Variants in PRDM9 observed in about 807,000 individuals in gnomAD.
PRDM9 encodes histone-lysine N-methyltransferase PRDM9.
A neutral mutation model predicts 55.6 loss-of-function variants in PRDM9; 47 were observed. That is an observed-to-expected ratio of 0.85 (90% CI 0.67 to 1.08). PRDM9 has a LOEUF of 1.08. Ranked by LOEUF, PRDM9 falls within the 50% of genes least tolerant of loss-of-function variation. The pLI is 0.00. For synonymous variants in PRDM9, 312 were observed against 375.7 expected, an observed-to-expected ratio of 0.83 and a Z score of 1.96; for missense variants, 867 against 1,040.3, an observed-to-expected ratio of 0.83 and a Z score of 2.29.
chr5:23,512,530 C>G (rs1470613604), intron 4 of PRDM9, among the ~76,000 whole-genome samples: 1 of 152,092 alleles, frequency 6.6e-6, no homozygotes, highest in Non-Finnish European at 1.5e-5. Flanking sequence ...AAGAATGGCT[C>G]TTTAGCGGGA....
At chr5:23,507,914 T>A (rs1289807790) in intron 1 of PRDM9, among the ~76,000 whole-genome samples, 1 of 151,712 alleles carries the variant, frequency 6.6e-6, no homozygotes, top group Non-Finnish European at 1.5e-5. Flanking sequence ...ACAGCGAATC[T>A]CCTAATGCTT....
At chr5:23,515,282 C>T (rs981674103) in intron 4 of PRDM9, among the ~76,000 whole-genome samples, 1 of 152,034 alleles carries the variant, frequency 6.6e-6, no homozygotes, top group Non-Finnish European at 1.5e-5. Context: ...AACTCTTTAT[C>T]TTCTTTTTTT....
chr5:23,518,154 A>G (rs1739253425), intron 5 of PRDM9, among the ~76,000 whole-genome samples: 1 of 152,214 alleles, frequency 6.6e-6, no homozygotes, highest in African/African-American at 2.4e-5. Flanking sequence ...TATTTTAAGC[A>G]TTTTACATGA....
At chr5:23,519,994 A>G (rs1165928188) in intron 5 of PRDM9, among the ~76,000 whole-genome samples, 2 of 151,684 alleles carry the variant, frequency 1.3e-5, no homozygotes, top group Non-Finnish European at 2.9e-5. Context: ...CAGTGAGCTG[A>G]GATCGTGCCA....
intron 4 of PRDM9, among the ~76,000 whole-genome samples, chr5:23,510,577 C>G (rs1739075869): frequency 6.6e-6 from 1 of 151,488 alleles, no homozygotes; most frequent in Non-Finnish European, 1.5e-5. Flanking sequence ...AGGCTGGTCT[C>G]AAATTCCTGG....
At chr5:23,509,378 G>GC (rs1181952111) in intron 2 of PRDM9, 92 bp from the exon 3 acceptor site, 24 of 1,596,058 alleles carry the variant, frequency 1.5e-5, no homozygotes, top group Non-Finnish European at 2.0e-5. Flanking sequence ...ACTCCCAGAG[G>GC]CCCCAGGCTA....
intron 4 of PRDM9, among the ~76,000 whole-genome samples, chr5:23,514,589 C>T (rs555894906): frequency 4.6e-5 from 7 of 152,122 alleles, no homozygotes; most frequent in East Asian, 3.9e-4. Flanking sequence ...GCTGGGACTA[C>T]AGGGGCACAC....
chr5:23,509,500 T>A lies in PRDM9; in HGVS notation c.100T>A (p.Tyr34Asn). The A allele has an allele frequency of 6.2e-7, 1 of 1,614,158 alleles. No homozygotes were observed. The highest frequency in any genetic ancestry group is 8.5e-7 in the Non-Finnish European group (1 of 1,180,034). ...VKDAFKDISI[Y>N]FTKEEWAEMG... ...AGATGCCTTCAAAGACATTTCCATA[T>A]ACTTCACCAAGGAAGAATGGGCAGA... is the stretch of plus-strand genomic sequence containing the variant. Residue 34 changes from tyrosine (Y) to asparagine (N), a missense_variant, in exon 3 of 11, where the codon TAC becomes AAC. Tyr to Asn is a moderately radical substitution (Grantham distance 143, BLOSUM62 -2). Coordinates refer to ENST00000296682, the MANE Select transcript of PRDM9 (RefSeq NM_020227.4).
At position 23,508,935 on chromosome 5, in the gene PRDM9, C is replaced by T. The variant is rs1176734953; in HGVS notation, c.-84-15C>T. On this transcript the variant is annotated splice_polypyrimidine_tract_variant and intron_variant, in intron 1 of 10. Transcript: ENST00000296682. The stretch of plus-strand genomic sequence containing the variant: ...CAGGGCTGTTGCCCCCTCTCAGCAC[C>T]TTCTCCTTCCACAGGAGCCTTTGGC... 5.6e-6 allele frequency: 8 copies of T among 1,438,152 alleles called. No individual in the cohort carries two copies. The highest frequency in any genetic ancestry group is 7.7e-6 in the Non-Finnish European group (8 of 1,039,020). 89.1% of individuals were successfully genotyped at this position (1,438,152 alleles called of 1,614,324 possible).
rs1579598421 is a variant in PRDM9, at chr5:23,528,025, A to C, written c.*252A>C. The C allele has an allele frequency of 5.0e-6, 3 of 601,934 alleles. No homozygotes were observed. Among genetic ancestry groups the C allele is most frequent in the Non-Finnish European group, 8.7e-6 (3 of 346,512 alleles). 37.3% of individuals were successfully genotyped at this position (601,934 alleles called of 1,614,324 possible). A position where few individuals can be genotyped will look rare whatever the true frequency, so the allele number is the denominator to read the frequency against. ...GCATGTGTGGTTCTTTCCCGCACTGATCCCCTCCATTTTTTGTTTGTTTTT... is the reference window on the plus strand; with the variant it reads ...GCATGTGTGGTTCTTTCCCGCACTGCTCCCCTCCATTTTTTGTTTGTTTTT... On this transcript the variant is annotated 3_prime_UTR_variant, in exon 11 of 11. Coordinates refer to ENST00000296682, the MANE Select transcript of PRDM9 (RefSeq NM_020227.4).
Position 23,527,695 on chromosome 5 carries a change from T to A in PRDM9, c.2607T>A (p.Phe869Leu). The change falls in exon 11 of 11, where the codon TTT (phenylalanine) becomes TTA (leucine). Residue 869 changes from phenylalanine (F) to leucine (L), a missense_variant. Around this residue, in one of 5 missense-constraint regions of PRDM9, gnomAD observed 86 missense variants for 73.6 expected, o/e 1.17. Transcript: ENST00000296682. ...PYVCRECGRG[F>L]SDRSSLCYHQ... ...TCTGCAGGGAGTGTGGGCGGGGCTT[T>A]AGCGATAGGTCAAGCCTCTGCTATC... 6.3e-7 allele frequency: 1 copy of A among 1,587,750 alleles called. No homozygotes were observed. The highest frequency in any genetic ancestry group is 8.6e-7 in the Non-Finnish European group (1 of 1,166,180).
Position 23,522,597 on chromosome 5 carries a change from G to A in PRDM9, c.611-17G>A, listed in dbSNP as rs766265690. Reference sequence around the variant, plus strand: ...ATGCATTACAACTTTCCTAATCTCTGCTTCCCTCACTTCCAGATTGTGAGA... The same window carrying A: ...ATGCATTACAACTTTCCTAATCTCTACTTCCCTCACTTCCAGATTGTGAGA... On this transcript the variant is annotated splice_polypyrimidine_tract_variant and intron_variant, in intron 7 of 10. Transcript: ENST00000296682. The A allele has an allele frequency of 1.4e-5, 22 of 1,614,206 alleles. No homozygotes were observed. The highest frequency in any genetic ancestry group is 1.9e-5 in the Non-Finnish European group (22 of 1,180,034).
chr5:23,520,714 A>C (rs1739311892), intron 5 of PRDM9, among the ~76,000 whole-genome samples: 1 of 152,096 alleles, frequency 6.6e-6, no homozygotes, highest in African/African-American at 2.4e-5. Context: ...TTCTCTTTGT[A>C]AGCCCTTACC....
chr5:23,510,366 T>C (rs866091206), intron 4 of PRDM9, among the ~76,000 whole-genome samples: 6 of 151,844 alleles, frequency 4.0e-5, no homozygotes, highest in Middle Eastern at 3.4e-3. Context: ...TGGCCTATTT[T>C]TATTTTTTAT....
At chr5:23,515,052 C>T (rs536127598) in intron 4 of PRDM9, among the ~76,000 whole-genome samples, 21 of 152,046 alleles carry the variant, frequency 1.4e-4, no homozygotes, top group African/African-American at 4.8e-4. Context: ...CAACCTACAC[C>T]TCCCGGGTTC....
chr5:23,525,833 C>G (rs1739418415), intron 10 of PRDM9, among the ~76,000 whole-genome samples: 1 of 152,124 alleles, frequency 6.6e-6, no homozygotes, highest in South Asian at 2.1e-4. Flanking sequence ...AGCTGAAGGT[C>G]TCATGTCAGC....
chr5:23,523,707 C>T (rs904532593), intron 9 of PRDM9, among the ~76,000 whole-genome samples: 1 of 152,176 alleles, frequency 6.6e-6, no homozygotes, highest in African/African-American at 2.4e-5. Flanking sequence ...AGGTTCACTA[C>T]TTGAACAGAA....
At chr5:23,523,819 G>A (rs1259820387) in intron 9 of PRDM9, among the ~76,000 whole-genome samples, 2 of 152,160 alleles carry the variant, frequency 1.3e-5, no homozygotes, top group African/African-American at 4.8e-5. Flanking sequence ...ATTGGGCCAA[G>A]AGAAAGAGAC....
intron 4 of PRDM9, among the ~76,000 whole-genome samples, chr5:23,517,429 C>T (rs1269518344): frequency 5.3e-5 from 8 of 151,984 alleles, no homozygotes; most frequent in African/African-American, 1.4e-4. Flanking sequence ...ATTTCCAAAT[C>T]GCCTTTGGAT....
Sources: gnomAD v4.1 joint callset for allele counts (sites outside exome capture counted in the v4.1 genomes callset) on GRCh38, gnomAD v4.1.1 for gene constraint, gnomAD v4.1.1 regional missense constraint, MANE v1.5 for transcripts, NCBI Gene and HGNC (gene_info 2026-07-23, HGNC 2026-07-21) for gene names.